TPO: variants seen among roughly 807,000 people sequenced by gnomAD.
The protein encoded by TPO is thyroid microsomal antigen.
A neutral mutation model predicts 96.9 loss-of-function variants in TPO; 78 were observed. That is an observed-to-expected ratio of 0.81 (90% CI 0.67 to 0.97). TPO has a LOEUF of 0.97. Among genes scored for constraint, TPO ranks in the 50% least tolerant of loss-of-function variants. The pLI, the probability that TPO is intolerant of heterozygous loss-of-function variation, is 0.00. For synonymous variants in TPO, 547 were observed against 538.0 expected, an observed-to-expected ratio of 1.02 and a Z score of -0.23; for missense variants, 1,252 against 1,274.8, an observed-to-expected ratio of 0.98 and a Z score of 0.27.
chr2:1,527,126 A>C (rs1160631658), intron 15 of TPO, among the ~76,000 whole-genome samples: 1 of 61,844 alleles, frequency 1.6e-5, no homozygotes, highest in Non-Finnish European at 2.9e-5. Context: ...AAATACCCCC[A>C]CTGTGTGCAA....
chr2:1,474,557 C>T (rs1669723512), intron 7 of TPO, among the ~76,000 whole-genome samples: 1 of 152,212 alleles, frequency 6.6e-6, no homozygotes, highest in African/African-American at 2.4e-5. Flanking sequence ...AGTCCACCGT[C>T]AATGCCATCT....
chr2:1,511,152 C>CCTGGGGGTGCCACAGCACAGGCCTGCAGA (rs1674066249), intron 14 of TPO, among the ~76,000 whole-genome samples: 1 of 126,252 alleles, frequency 7.9e-6, no homozygotes, highest in Non-Finnish European at 1.7e-5. Context: ...GTATTCATTT[C>CCTGGGGGTGCCACAGCACAGGCCTGCAGA]CTGGGGGTGC....
rs1286918055 is a variant in TPO, at chr2:1,523,517, C to T, written c.2618+6535C>T. Among the ~76,000 whole-genome samples, 205 of 120,288 alleles carry T rather than the reference C, an allele frequency of 1.7e-3. 2 individuals are homozygous for T. Among genetic ancestry groups the T allele is most frequent in the African/African-American group, 6.0e-3 (189 of 31,630 alleles). 78.9% of individuals were successfully genotyped at this position (120,288 alleles called of 152,430 possible). On this transcript the variant is annotated intron_variant, in intron 15 of 16. Coordinates refer to ENST00000329066, the MANE Select transcript of TPO (RefSeq NM_001206744.2). Reference sequence around the variant, plus strand: ...CCAAATCCCCCCGACTCTATGCAACCTCCCCAAATCCCCCCCACTCTGAGC... The same window carrying T: ...CCAAATCCCCCCGACTCTATGCAACTTCCCCAAATCCCCCCCACTCTGAGC...
At chr2:1,424,478 G>A (rs1010139962) in intron 3 of TPO, among the ~76,000 whole-genome samples, 12 of 152,144 alleles carry the variant, frequency 7.9e-5, no homozygotes, top group African/African-American at 2.9e-4. Flanking sequence ...CGAGAGGTGG[G>A]ATCCACTCAG....
intron 9 of TPO, among the ~76,000 whole-genome samples, chr2:1,487,170 C>T (rs1191864909): frequency 1.3e-5 from 2 of 152,270 alleles, no homozygotes; most frequent in East Asian, 3.9e-4. Context: ...CTGAGTCTTC[C>T]TTTCACTGTT....
chr2:1,416,636 C>T (rs1169190706), intron 2 of TPO, among the ~76,000 whole-genome samples: 1 of 152,232 alleles, frequency 6.6e-6, no homozygotes, highest in African/African-American at 2.4e-5. Context: ...GTGCTGGGCA[C>T]ATGCTTCTGC....
chr2:1,478,753 A>G (rs1558336019), intron 8 of TPO, among the ~76,000 whole-genome samples: 1 of 152,152 alleles, frequency 6.6e-6, no homozygotes, highest in Non-Finnish European at 1.5e-5. Flanking sequence ...GTCCTAACGC[A>G]CATCCACACA....
upstream of TPO, among the ~76,000 whole-genome samples, chr2:1,411,499 A>C (rs1004107859): frequency 5.9e-5 from 9 of 151,882 alleles, no homozygotes; most frequent in Admixed American, 5.9e-4. Context: ...TCTTCTTCAA[A>C]CTCTTCCTTG....
At chr2:1,477,017 C>T in intron 7 of TPO, 69 bp from the exon 8 acceptor site, 21 of 1,535,622 alleles carry the variant, frequency 1.4e-5, no homozygotes, top group Non-Finnish European at 1.7e-5. Context: ...TCGCCGGCCT[C>T]GAACTTCCAG....
Position 1,541,126 on chromosome 2 carries a change from C to A in TPO, c.2748+403C>A, listed in dbSNP as rs28915679. ...AAATGTGTATGTTTATGTTTTACCC[C>A]CTTACCTTGTATGCAGAACCCCAAG... On this transcript the variant is annotated intron_variant, in intron 16 of 16. Coordinates refer to ENST00000329066, the MANE Select transcript of TPO (RefSeq NM_001206744.2). 887 of 1,188,196 alleles carry A rather than the reference C, an allele frequency of 7.5e-4. 21 individuals are homozygous for A. In the East Asian group the frequency reaches 0.034, roughly 45 times the overall value. The allele number at this position is 1,188,196 out of a possible 1,614,324, so 73.6% of individuals were successfully genotyped here. A position where few individuals can be genotyped will look rare whatever the true frequency, so the allele number is the denominator to read the frequency against.
chr2:1,421,459 C>T (rs1663518103), intron 2 of TPO, among the ~76,000 whole-genome samples: 1 of 152,194 alleles, frequency 6.6e-6, no homozygotes, highest in Non-Finnish European at 1.5e-5. Context: ...TGATTTGTCT[C>T]ACTCCAGAGC....
intron 7 of TPO, among the ~76,000 whole-genome samples, chr2:1,476,823 CAGGCAAG>C (rs894513734): frequency 2.0e-5 from 3 of 150,536 alleles, no homozygotes; most frequent in African/African-American, 7.4e-5. Flanking sequence ...CAGCCTCTTC[CAGGCAAG>C]AGACCACCGG....
chr2:1,502,152 C>T (rs1672934113), intron 13 of TPO, among the ~76,000 whole-genome samples: 1 of 152,110 alleles, frequency 6.6e-6, no homozygotes, highest in African/African-American at 2.4e-5. Flanking sequence ...ACACTCCCTA[C>T]CCCAGAGGCG....
At chr2:1,479,557 G>A (rs1246778392) in intron 8 of TPO, among the ~76,000 whole-genome samples, 13 of 152,120 alleles carry the variant, frequency 8.5e-5, no homozygotes, top group Admixed American at 5.9e-4. Context: ...AGCGGGAAAC[G>A]CCCAATTGTC....
At chr2:1,505,847 C>T (rs1272866776) in intron 14 of TPO, among the ~76,000 whole-genome samples, 3 of 91,828 alleles carry the variant, frequency 3.3e-5, no homozygotes, top group African/African-American at 1.1e-4. Context: ...TTCTTTTTGG[C>T]AGTTTTTTTT....
intron 1 of TPO, among the ~76,000 whole-genome samples, chr2:1,377,371 G>C (rs1357646612): frequency 6.6e-6 from 1 of 152,164 alleles, no homozygotes; most frequent in Non-Finnish European, 1.5e-5. Context: ...TGTGATTGCT[G>C]TCACAGTTTT....
chr2:1,449,814 A>G (rs1667159990), intron 5 of TPO, among the ~76,000 whole-genome samples: 1 of 152,222 alleles, frequency 6.6e-6, no homozygotes, highest in Non-Finnish European at 1.5e-5. Context: ...CATGCCGATT[A>G]TAGAAAGCAT....
chr2:1,425,735 C>T (rs1486775522), intron 3 of TPO, among the ~76,000 whole-genome samples: 1 of 152,098 alleles, frequency 6.6e-6, no homozygotes, highest in African/African-American at 2.4e-5. Context: ...AGTCTGTACT[C>T]CTTCTGTAAA....
intron 15 of TPO, among the ~76,000 whole-genome samples, chr2:1,533,207 CCCCCCATAT>C: frequency 2.6e-4 from 1 of 3,778 alleles, no homozygotes; most frequent in Non-Finnish European, 5.0e-4. Context: ...CTCCCCATAT[CCCCCCATAT>C]CCCCCCACTG....
Sources: gnomAD v4.1 joint callset for allele counts (sites outside exome capture counted in the v4.1 genomes callset) on GRCh38, gnomAD v4.1.1 for gene constraint, MANE v1.5 for transcripts, NCBI Gene and HGNC (gene_info 2026-07-23, HGNC 2026-07-21) for gene names.